Variants in ATCAY observed in about 807,000 individuals in gnomAD.
ATCAY encodes the protein caytaxin.
A neutral mutation model predicts 47.7 loss-of-function variants in ATCAY; 22 were observed. The ratio of observed to expected loss-of-function variants is 0.46; its 90% CI spans 0.33 to 0.66. ATCAY has a LOEUF of 0.66. Ranked by LOEUF, ATCAY falls within the 30% of genes least tolerant of loss-of-function variation. The pLI, the probability that ATCAY is intolerant of heterozygous loss-of-function variation, is 0.02. For missense variants in ATCAY, 452 were observed against 515.0 expected (o/e 0.88, Z 1.18); for synonymous variants, 216 against 207.6 (o/e 1.04, Z -0.35).
At chr19:3,901,163 A>T (rs1194101938) in intron 2 of ATCAY, among the ~76,000 whole-genome samples, 1 of 151,934 alleles carries the variant, frequency 6.6e-6, no homozygotes, top group African/African-American at 2.4e-5. Flanking sequence ...CGGCCTCCCA[A>T]AGTGCTGGGA....
chr19:3,913,694 G>T, intron 8 of ATCAY, 64 bp from the exon 9 acceptor site: 1 of 1,294,110 alleles, frequency 7.7e-7, no homozygotes, highest in South Asian at 1.2e-5. Context: ...GCTCTGTCTG[G>T]ACCTAGGTAA....
chr19:3,909,932 T>C (rs979048480), intron 7 of ATCAY, among the ~76,000 whole-genome samples: 1 of 152,050 alleles, frequency 6.6e-6, no homozygotes, highest in Admixed American at 6.6e-5. Context: ...ACTAAAAAAA[T>C]TCAAAAATTA....
chr19:3,909,110 G>T (rs986865057), intron 6 of ATCAY, among the ~76,000 whole-genome samples: 7 of 132,256 alleles, frequency 5.3e-5, no homozygotes, highest in Non-Finnish European at 7.9e-5. Flanking sequence ...GGTGGCAGGC[G>T]CCTGTAATCC....
At chr19:3,908,221 G>A (rs2038883076) in intron 5 of ATCAY, 47 bp from the exon 6 acceptor site, 1 of 1,502,172 alleles carries the variant, frequency 6.7e-7, no homozygotes, top group Admixed American at 2.0e-5. Context: ...AGGCAGCTCA[G>A]GGCTGGGAGA....
intron 1 of ATCAY, among the ~76,000 whole-genome samples, chr19:3,883,882 G>A (rs1274211553): frequency 6.6e-6 from 1 of 152,110 alleles, no homozygotes; most frequent in Non-Finnish European, 1.5e-5. Context: ...AGTCTGCCAT[G>A]CCCCAGAGCA....
At chr19:3,909,145 G>T in intron 6 of ATCAY, among the ~76,000 whole-genome samples, 1 of 136,990 alleles carries the variant, frequency 7.3e-6, no homozygotes, top group Non-Finnish European at 1.5e-5. Flanking sequence ...GCTGTGGCAG[G>T]AGAATGGCGT....
At chr19:3,905,318 G>A in intron 3 of ATCAY, 116 bp from the exon 4 acceptor site, 1 of 1,057,330 alleles carries the variant, frequency 9.5e-7, no homozygotes, top group Non-Finnish European at 1.3e-6. Flanking sequence ...ACAGAAGGGA[G>A]CCCACCCTCT....
At chr19:3,915,717 A>ATTTTT (rs58629412) in intron 9 of ATCAY, among the ~76,000 whole-genome samples, 1 of 108,924 alleles carries the variant, frequency 9.2e-6, no homozygotes, top group Non-Finnish European at 1.8e-5. Context: ...TGCCCAGCTA[A>ATTTTT]TTTTTTTTTT....
At chr19:3,882,341 A>T (rs1214840170) in intron 1 of ATCAY, among the ~76,000 whole-genome samples, 1 of 150,946 alleles carries the variant, frequency 6.6e-6, no homozygotes, top group Non-Finnish European at 1.5e-5. Flanking sequence ...TTATTTTTTG[A>T]AGTAGGGTCT....
chr19:3,908,545 G>A (rs1178922468), intron 6 of ATCAY, among the ~76,000 whole-genome samples, 175 bp downstream of exon 6: 1 of 151,798 alleles, frequency 6.6e-6, no homozygotes, highest in East Asian at 1.9e-4. Context: ...GGCTCACAGT[G>A]GCCTTCCCTC....
chr19:3,886,499 A>G (rs1039942096), intron 2 of ATCAY, among the ~76,000 whole-genome samples: 2 of 151,638 alleles, frequency 1.3e-5, no homozygotes, highest in Non-Finnish European at 2.9e-5. Flanking sequence ...CTGAGGCAGG[A>G]GAATGGCGTG....
At chr19:3,911,285 G>C (rs1459417144) in intron 8 of ATCAY, among the ~76,000 whole-genome samples, 1 of 152,130 alleles carries the variant, frequency 6.6e-6, no homozygotes, top group African/African-American at 2.4e-5. Flanking sequence ...AGGATGGCTT[G>C]AGCCCAGGAG....
chr19:3,919,332 G>A (rs190415042), intron 11 of ATCAY, among the ~76,000 whole-genome samples: 10 of 151,532 alleles, frequency 6.6e-5, no homozygotes, highest in African/African-American at 1.5e-4. Flanking sequence ...GGTGGCTCAC[G>A]CCTGTAATCC....
intron 3 of ATCAY, among the ~76,000 whole-genome samples, chr19:3,904,114 T>C (rs1001280585): frequency 3.9e-5 from 6 of 152,132 alleles, no homozygotes; most frequent in South Asian, 4.2e-4. Flanking sequence ...GATTGTGCCA[T>C]TGCACTCCAG....
chr19:3,914,528 C>A (rs894317107), intron 9 of ATCAY, among the ~76,000 whole-genome samples: 1 of 151,938 alleles, frequency 6.6e-6, no homozygotes, highest in Non-Finnish European at 1.5e-5. Flanking sequence ...GTGAAGAGAC[C>A]AGGCAAGGTG....
chr19:3,920,604 A>C, intron 11 of ATCAY, 162 bp from the exon 12 acceptor site: 1 of 387,094 alleles, frequency 2.6e-6, no homozygotes, highest in Admixed American at 4.5e-5. Context: ...CAGCCTCCCA[A>C]AGTGCTGGGA....
chr19:3,917,808 G>A, intron 10 of ATCAY, 31 bp downstream of exon 10: 1 of 1,604,924 alleles, frequency 6.2e-7, no homozygotes, highest in Non-Finnish European at 8.5e-7. Flanking sequence ...GCTGGGGCTG[G>A]GTCGGGGCAG....
chr19:3,885,984 G>T, intron 2 of ATCAY, 140 bp downstream of exon 2: 1 of 788,088 alleles, frequency 1.3e-6, no homozygotes, highest in Admixed American at 2.1e-5. Flanking sequence ...CTCCTCTCCC[G>T]CACACTCTGG....
chr19:3,919,437 C>T (rs1156458166), intron 11 of ATCAY, among the ~76,000 whole-genome samples: 1 of 151,786 alleles, frequency 6.6e-6, no homozygotes, highest in Non-Finnish European at 1.5e-5. Context: ...TCTAAAAATA[C>T]AAAAATTAGC....
Sources: allele counts gnomAD v4.1 joint callset (sites outside exome capture counted in the v4.1 genomes callset), GRCh38; gene constraint gnomAD v4.1.1; transcripts MANE v1.5; gene names NCBI Gene and HGNC (gene_info 2026-07-23, HGNC 2026-07-21).